TMEM135: variants seen among roughly 807,000 people sequenced by gnomAD.
TMEM135 encodes the protein transmembrane protein 135.
TMEM135 carries 30 observed loss-of-function variants against 60.3 expected under a neutral mutation model. That is an observed-to-expected ratio of 0.50 (90% CI 0.37 to 0.68). The LOEUF (loss-of-function observed/expected upper bound fraction) is 0.68, where lower values mean the gene tolerates loss of function less well. TMEM135 is among the 30% of genes least tolerant of loss of function. The probability of loss-of-function intolerance (pLI) is 0.00; values close to 1 mark genes in which losing one functional copy is unlikely to be tolerated. For synonymous variants in TMEM135, 190 were observed against 186.7 expected, an observed-to-expected ratio of 1.02 and a Z score of -0.14; for missense variants, 468 against 548.8, an observed-to-expected ratio of 0.85 and a Z score of 1.47.
rs1373052882 is a variant in TMEM135, at chr11:87,328,710, G to A, written c.*7377G>A. 3 of 453,862 alleles carry A rather than the reference G, an allele frequency of 6.6e-6. No individual in the cohort carries two copies. Among genetic ancestry groups the A allele is most frequent in the Non-Finnish European group, 1.3e-5 (3 of 226,770 alleles). The allele number at this position is 453,862 out of a possible 1,614,324, so 28.1% of individuals were successfully genotyped here. A position where few individuals can be genotyped will look rare whatever the true frequency, so the allele number is the denominator to read the frequency against. Reference sequence around the variant, plus strand: ...TTTTTATGGCTGAGTAGTATTCCATGGTGCATATATACCACATTTTCTTTA... The same window carrying A: ...TTTTTATGGCTGAGTAGTATTCCATAGTGCATATATACCACATTTTCTTTA... On this transcript the variant is annotated 3_prime_UTR_variant, in exon 15 of 15. Coordinates refer to ENST00000305494, the MANE Select transcript of TMEM135 (RefSeq NM_022918.4).
intron 5 of TMEM135, among the ~76,000 whole-genome samples, chr11:87,233,558 A>G (rs1051397895): frequency 2.0e-5 from 3 of 152,084 alleles, no homozygotes; most frequent in Non-Finnish European, 4.4e-5. Context: ...CTATGTTGAA[A>G]CTTATGAAAT....
rs537349448 is a variant in TMEM135 at position 87,129,795 on chromosome 11, C to G, written c.397-27546C>G. 4.7e-4 allele frequency among the ~76,000 whole-genome samples: 72 copies of G among 152,252 alleles called. No homozygotes were observed. The South Asian group carries it at 8.9e-3, about 19-fold the overall frequency. On this transcript the variant is annotated intron_variant, in intron 4 of 14. Coordinates refer to ENST00000305494, the MANE Select transcript of TMEM135 (RefSeq NM_022918.4). ...ACCTCAGGTGATCTGCCCTCCTTAG[C>G]CTCCGAAAGTTCTGGGATTACAGGC...
intron 6 of TMEM135, among the ~76,000 whole-genome samples, chr11:87,292,311 T>C (rs1942280598): frequency 6.6e-6 from 1 of 152,252 alleles, no homozygotes; most frequent in Admixed American, 6.5e-5. Context: ...TATGTATCTC[T>C]TTCCCAACTA....
chr11:87,167,123 G>C (rs771331271), intron 5 of TMEM135, among the ~76,000 whole-genome samples: 1 of 151,952 alleles, frequency 6.6e-6, no homozygotes, highest in African/African-American at 2.4e-5. Flanking sequence ...TTATCAATGT[G>C]TAGGAATGCT....
In TMEM135 at chr11:87,327,262, C is replaced by T. The variant is rs772557826; in HGVS notation, c.*5929C>T. On this transcript the variant is annotated 3_prime_UTR_variant, in exon 15 of 15. Coordinates refer to ENST00000305494, the MANE Select transcript of TMEM135 (RefSeq NM_022918.4). Reference sequence around the variant, plus strand: ...GAAAGTTCTTTTTACCTCTTTTTCTCTTGTTCAAGGTATTAGTATTAGTCA... The same window carrying T: ...GAAAGTTCTTTTTACCTCTTTTTCTTTTGTTCAAGGTATTAGTATTAGTCA... The T allele has an allele frequency of 5.3e-4, 239 of 454,024 alleles. No individual in the cohort carries two copies. The highest frequency in any genetic ancestry group is 7.5e-4 in the Non-Finnish European group (171 of 226,752). 28.1% of individuals were successfully genotyped at this position (454,024 alleles called of 1,614,324 possible).
chr11:87,159,154 C>T (rs1938791891), intron 5 of TMEM135, among the ~76,000 whole-genome samples: 3 of 152,178 alleles, frequency 2.0e-5, no homozygotes, highest in Admixed American at 2.0e-4. Flanking sequence ...GGTGTTGTTC[C>T]ATGTGGCCAA....
intron 8 of TMEM135, among the ~76,000 whole-genome samples, chr11:87,304,929 G>T (rs1055781675): frequency 6.6e-6 from 1 of 152,078 alleles, no homozygotes; most frequent in Admixed American, 6.6e-5. Flanking sequence ...AATAGTCTTG[G>T]ATTTAACATG....
intron 6 of TMEM135, among the ~76,000 whole-genome samples, chr11:87,266,451 C>T (rs983546352): frequency 6.6e-6 from 1 of 152,124 alleles, no homozygotes; most frequent in Non-Finnish European, 1.5e-5. Context: ...CAGAATGTAG[C>T]TGACTTGTTT....
chr11:87,214,308 C>A (rs899249288), intron 5 of TMEM135, among the ~76,000 whole-genome samples: 1 of 152,170 alleles, frequency 6.6e-6, no homozygotes, highest in Non-Finnish European at 1.5e-5. Context: ...TCTCCTGGTA[C>A]CTTGCCAGTG....
chr11:87,310,177 CT>C (rs57162472), intron 10 of TMEM135, among the ~76,000 whole-genome samples: 11,311 of 152,126 alleles, frequency 0.074, 828 homozygotes, highest in African/African-American at 0.18. Context: ...TCCTACTACA[CT>C]GTCTCAAATA....
At chr11:87,194,557 G>T (rs1939888527) in intron 5 of TMEM135, among the ~76,000 whole-genome samples, 1 of 151,958 alleles carries the variant, frequency 6.6e-6, no homozygotes, top group Non-Finnish European at 1.5e-5. Context: ...TTGTGTATTT[G>T]TATGTATGTG....
At chr11:87,082,780 G>C (rs1857018208) in intron 3 of TMEM135, among the ~76,000 whole-genome samples, 1 of 152,174 alleles carries the variant, frequency 6.6e-6, no homozygotes, top group Non-Finnish European at 1.5e-5. Flanking sequence ...ATACGAGAAA[G>C]AGTAGAAGAA....
intron 3 of TMEM135, among the ~76,000 whole-genome samples, chr11:87,076,102 G>A (rs1380968419): frequency 1.3e-5 from 2 of 152,198 alleles, no homozygotes; most frequent in African/African-American, 2.4e-5. Flanking sequence ...GGCAAAGCCA[G>A]CCAGGTTTTG....
At chr11:87,172,351 T>C (rs935585864) in intron 5 of TMEM135, among the ~76,000 whole-genome samples, 2 of 152,108 alleles carry the variant, frequency 1.3e-5, no homozygotes, top group African/African-American at 4.8e-5. Context: ...AAAGTATATT[T>C]AAAGATTTTT....
rs1856994909 is a variant in TMEM135, at chr11:87,081,650, T to C, written c.363-9712T>C. On this transcript the variant is annotated intron_variant, in intron 3 of 14. Transcript: ENST00000305494. ...AACGTGGATTTGGGTTGCTAGTTTA[T>C]TTTCTGTTTTATTTTCACTTTTGAT... Among the ~76,000 whole-genome samples, 3 of 151,260 alleles carry C rather than the reference T, an allele frequency of 2.0e-5. No individual in the cohort carries two copies. The South Asian group carries it at 6.3e-4, about 32-fold the overall frequency.
intron 4 of TMEM135, among the ~76,000 whole-genome samples, chr11:87,117,259 G>T (rs951922202): frequency 6.6e-6 from 1 of 152,172 alleles, no homozygotes. Context: ...GCTAGTTAAG[G>T]TGGTAGTTGC....
At chr11:87,172,225 T>A (rs1249824531) in intron 5 of TMEM135, among the ~76,000 whole-genome samples, 1 of 152,216 alleles carries the variant, frequency 6.6e-6, no homozygotes, top group Non-Finnish European at 1.5e-5. Flanking sequence ...ATTTTAATAC[T>A]TAGCTACTGT....
chr11:87,158,911 A>G (rs1938784385), intron 5 of TMEM135, among the ~76,000 whole-genome samples: 1 of 152,204 alleles, frequency 6.6e-6, no homozygotes, highest in Admixed American at 6.5e-5. Context: ...TCTGCCTATG[A>G]TGTCTAAAAA....
At chr11:87,305,337 C>T (rs1942520308) in intron 8 of TMEM135, among the ~76,000 whole-genome samples, 1 of 152,020 alleles carries the variant, frequency 6.6e-6, no homozygotes, top group Admixed American at 6.6e-5. Context: ...AGTGTGGTTT[C>T]TCCAGTCCGT....
Sources: allele counts gnomAD v4.1 joint callset (sites outside exome capture counted in the v4.1 genomes callset), GRCh38; gene constraint gnomAD v4.1.1; transcripts MANE v1.5; gene names NCBI Gene and HGNC (gene_info 2026-07-23, HGNC 2026-07-21).